RBFOX1: variants seen among roughly 807,000 people sequenced by gnomAD.
RBFOX1 encodes RNA binding protein fox-1 homolog 1.
Under a neutral mutation model 57.7 loss-of-function variants are expected in RBFOX1, and 8 were observed. The observed-to-expected ratio is 0.14, with a 90% CI of 0.08 to 0.25. The LOEUF (loss-of-function observed/expected upper bound fraction) is 0.25, where lower values mean the gene tolerates loss of function less well. Ranked by LOEUF, RBFOX1 falls within the 10% of genes least tolerant of loss-of-function variation. RBFOX1 has a pLI of 1.00. For missense variants in RBFOX1, 611 were observed against 548.5 expected (o/e 1.11, Z -1.14); for synonymous variants, 326 against 222.4 (o/e 1.47, Z -4.15).
chr16:6,406,975 T>A (rs1413784489), intron 2 of RBFOX1, among the ~76,000 whole-genome samples: 2 of 152,170 alleles, frequency 1.3e-5, no homozygotes, highest in Non-Finnish European at 2.9e-5. Context: ...CTTGCCTAAC[T>A]TCCTGTTTAT....
chr16:6,859,728 C>T (rs1057226900), intron 3 of RBFOX1, among the ~76,000 whole-genome samples: 2 of 152,168 alleles, frequency 1.3e-5, no homozygotes, highest in African/African-American at 2.4e-5. Flanking sequence ...AAATGTCTTT[C>T]ACCCTTGATC....
intron 3 of RBFOX1, among the ~76,000 whole-genome samples, chr16:6,690,358 G>C (rs756220644): frequency 6.6e-6 from 1 of 151,998 alleles, no homozygotes; most frequent in African/African-American, 2.4e-5. Context: ...TTCTAGAAAA[G>C]ATAATTCACA....
chr16:5,481,751 G>A (rs558240416), intron 2 of RBFOX1, among the ~76,000 whole-genome samples: 2 of 152,272 alleles, frequency 1.3e-5, no homozygotes, highest in South Asian at 4.1e-4. Flanking sequence ...TGGAGGCTGC[G>A]AGTATGAGAC....
At chr16:5,675,193 T>A (rs1321316308) in intron 3 of RBFOX1, among the ~76,000 whole-genome samples, 8 of 151,994 alleles carry the variant, frequency 5.3e-5, no homozygotes, top group Non-Finnish European at 1.0e-4. Flanking sequence ...TATATATACA[T>A]CCACATGCAC....
At chr16:6,834,267 G>T (rs546552552) in intron 3 of RBFOX1, among the ~76,000 whole-genome samples, 1 of 151,916 alleles carries the variant, frequency 6.6e-6, no homozygotes, top group Non-Finnish European at 1.5e-5. Context: ...TAGAGATGGG[G>T]GTTTCACCAC....
At chr16:6,492,574 T>C (rs1459627169) in intron 2 of RBFOX1, among the ~76,000 whole-genome samples, 1 of 146,298 alleles carries the variant, frequency 6.8e-6, no homozygotes, top group Non-Finnish European at 1.5e-5. Flanking sequence ...ATCTCAAAAA[T>C]AAATAAATAA....
At chr16:7,151,640 T>C (rs1173534403) in intron 4 of RBFOX1, among the ~76,000 whole-genome samples, 1 of 152,194 alleles carries the variant, frequency 6.6e-6, no homozygotes, top group Admixed American at 6.6e-5. Context: ...TTTACATTTA[T>C]TGTGCACTTT....
At chr16:5,906,346 T>C (rs1473068847) in intron 4 of RBFOX1, among the ~76,000 whole-genome samples, 1 of 152,126 alleles carries the variant, frequency 6.6e-6, no homozygotes, top group East Asian at 1.9e-4. Flanking sequence ...AATGCAGTAA[T>C]GTGAAAATAA....
chr16:5,372,028 C>T (rs765536567), intron 1 of RBFOX1, among the ~76,000 whole-genome samples: 1 of 152,170 alleles, frequency 6.6e-6, no homozygotes, highest in Non-Finnish European at 1.5e-5. Context: ...TTAAGATGCT[C>T]ATGATTTTGT....
intron 4 of RBFOX1, among the ~76,000 whole-genome samples, chr16:5,967,421 G>C (rs937092431): frequency 9.2e-5 from 14 of 151,944 alleles, no homozygotes; most frequent in African/African-American, 3.4e-4. Context: ...TTCTTAACCC[G>C]GTATTGGAAT....
At chr16:7,495,150 A>T (rs2068200704) in intron 4 of RBFOX1, among the ~76,000 whole-genome samples, 1 of 152,298 alleles carries the variant, frequency 6.6e-6, no homozygotes, top group East Asian at 1.9e-4. Context: ...ACATGATTTC[A>T]TTCTGTTTTA....
At chr16:6,361,635 A>G (rs1343659700) in intron 2 of RBFOX1, among the ~76,000 whole-genome samples, 3 of 151,942 alleles carry the variant, frequency 2.0e-5, no homozygotes, top group Non-Finnish European at 4.4e-5. Context: ...CTCTAAAAAA[A>G]AAAAAAAAAA....
At position 7,291,320 on chromosome 16, in the gene RBFOX1, G is replaced by A. The variant is rs970793980; in HGVS notation, c.28-226827G>A. 1.1e-4 allele frequency among the ~76,000 whole-genome samples: 17 copies of A among 152,272 alleles called. No homozygotes were observed. In the Middle Eastern group the frequency reaches 0.01, roughly 91 times the overall value. On this transcript the variant is annotated intron_variant, in intron 4 of 15. Coordinates refer to ENST00000550418, the MANE Select transcript of RBFOX1 (RefSeq NM_018723.4). ...AATTCCTCTGTGGCACCAATGTGAG[G>A]TATGAGTTGGGAAGAGCTGAGACTG...
At chr16:6,248,153 C>T (rs1418351476) in intron 1 of RBFOX1, among the ~76,000 whole-genome samples, 45 of 151,940 alleles carry the variant, frequency 3.0e-4, no homozygotes, top group Non-Finnish European at 4.4e-5. Context: ...CCTTAAGTTG[C>T]GCCTGTTTAG....
intron 13 of RBFOX1, among the ~76,000 whole-genome samples, chr16:7,673,106 T>C (rs1289258206): frequency 2.6e-5 from 4 of 152,062 alleles, no homozygotes; most frequent in African/African-American, 9.7e-5. Flanking sequence ...GAAGCATGCG[T>C]AACACGTACA....
At position 5,766,883 on chromosome 16, in the gene RBFOX1, T is replaced by G. The variant is rs7194139; in HGVS notation, c.319-100420T>G. Reference sequence around the variant, plus strand: ...AGCCTTTCACTGAGGAGTCACTGTTTGCAAAGTCCTCTCATTTTTAAACCT... The same window carrying G: ...AGCCTTTCACTGAGGAGTCACTGTTGGCAAAGTCCTCTCATTTTTAAACCT... On this transcript the variant is annotated intron_variant, in intron 3 of 19. Coordinates refer to the RBFOX1 transcript ENST00000641259. Among the ~76,000 whole-genome samples the G allele has an allele frequency of 6.8e-3, 1,040 of 152,336 alleles. 16 individuals carry two copies. The highest frequency in any genetic ancestry group is 0.022 in the African/African-American group (930 of 41,576).
At chr16:6,614,465 A>G (rs1002468165) in intron 2 of RBFOX1, among the ~76,000 whole-genome samples, 2 of 152,214 alleles carry the variant, frequency 1.3e-5, no homozygotes, top group African/African-American at 4.8e-5. Flanking sequence ...GTTAATCTTT[A>G]CCGGGACAGG....
intron 2 of RBFOX1, among the ~76,000 whole-genome samples, chr16:6,550,182 T>G (rs183496469): frequency 6.6e-6 from 1 of 152,028 alleles, no homozygotes; most frequent in Non-Finnish European, 1.5e-5. Flanking sequence ...ACTTCTTTTT[T>G]GGGGGTTGGC....
intron 3 of RBFOX1, among the ~76,000 whole-genome samples, chr16:6,694,050 C>T (rs2060657208): frequency 6.6e-6 from 1 of 152,174 alleles, no homozygotes; most frequent in South Asian, 2.1e-4. Flanking sequence ...TGTCATATGT[C>T]ACTACTCAGA....
Sources: allele counts gnomAD v4.1 joint callset (sites outside exome capture counted in the v4.1 genomes callset), GRCh38; gene constraint gnomAD v4.1.1; transcripts MANE v1.5; gene names NCBI Gene and HGNC (gene_info 2026-07-23, HGNC 2026-07-21).